Variants in SAMD12 observed in about 807,000 individuals in gnomAD.
SAMD12 encodes the protein sterile alpha motif domain-containing protein 12.
In SAMD12, 9 loss-of-function variants were observed where a neutral mutation model predicts 15.0. That is an observed-to-expected ratio of 0.60 (90% CI 0.36 to 1.05). The LOEUF (loss-of-function observed/expected upper bound fraction) is 1.05, where lower values mean the gene tolerates loss of function less well. Ranked by LOEUF, SAMD12 falls within the 50% of genes least tolerant of loss-of-function variation. The pLI is 0.01. For synonymous variants in SAMD12, 86 were observed against 90.1 expected, an observed-to-expected ratio of 0.96 and a Z score of 0.25; for missense variants, 230 against 234.2, an observed-to-expected ratio of 0.98 and a Z score of 0.12.
intron 2 of SAMD12, among the ~76,000 whole-genome samples, chr8:118,553,096 G>T (rs1028550608): frequency 2.6e-5 from 4 of 151,594 alleles, no homozygotes; most frequent in African/African-American, 4.8e-5. Flanking sequence ...CGTGAAAATG[G>T]CCATACTGCC....
At chr8:118,209,599 C>T (rs776148504) in intron 4 of SAMD12, among the ~76,000 whole-genome samples, 26 of 152,316 alleles carry the variant, frequency 1.7e-4, no homozygotes, top group Non-Finnish European at 3.8e-4. Flanking sequence ...ATTGCTTGAA[C>T]TGGCTGGTGG....
intron 2 of SAMD12, among the ~76,000 whole-genome samples, chr8:118,485,356 A>C (rs1485594727): frequency 2.0e-5 from 3 of 152,220 alleles, no homozygotes; most frequent in African/African-American, 7.2e-5. Flanking sequence ...CAAAGGTGGA[A>C]GAGATGGGGG....
intron 4 of SAMD12, among the ~76,000 whole-genome samples, chr8:118,314,651 C>T (rs543203049): frequency 6.6e-6 from 1 of 152,244 alleles, no homozygotes; most frequent in Admixed American, 6.5e-5. Flanking sequence ...AGTATATAAC[C>T]TTTTGAAATT....
At chr8:118,545,261 A>G (rs1385568799) in intron 2 of SAMD12, among the ~76,000 whole-genome samples, 2 of 152,230 alleles carry the variant, frequency 1.3e-5, no homozygotes, top group Non-Finnish European at 2.9e-5. Context: ...GAGGTCAGAA[A>G]GTGGAGACCA....
At chr8:118,151,461 A>G in the SAMD12 span, among the ~76,000 whole-genome samples, 1 of 152,218 alleles carries the variant, frequency 6.6e-6, no homozygotes, top group Non-Finnish European at 1.5e-5. Context: ...TTAAATAAGA[A>G]GAAATTTTAA....
At chr8:118,394,226 G>A (rs1030813584) in intron 3 of SAMD12, among the ~76,000 whole-genome samples, 1 of 152,160 alleles carries the variant, frequency 6.6e-6, no homozygotes, top group African/African-American at 2.4e-5. Flanking sequence ...AATGAGATAA[G>A]GAACATGAAC....
At chr8:118,185,950 A>G (rs1819236215), downstream of SAMD12, among the ~76,000 whole-genome samples, 1 of 152,192 alleles carries the variant, frequency 6.6e-6, no homozygotes, top group African/African-American at 2.4e-5. Context: ...CCTGCTTGAA[A>G]GAACATTGCC....
At chr8:118,416,302 A>T (rs780026832) in intron 3 of SAMD12, among the ~76,000 whole-genome samples, 42 of 152,228 alleles carry the variant, frequency 2.8e-4, no homozygotes, top group Admixed American at 6.5e-4. Context: ...ATTATTAACT[A>T]TTACTACAAT....
At chr8:118,441,314 A>C (rs1374827437) in intron 2 of SAMD12, among the ~76,000 whole-genome samples, 1 of 152,174 alleles carries the variant, frequency 6.6e-6, no homozygotes, top group Non-Finnish European at 1.5e-5. Context: ...AACAAATTTG[A>C]GTTTAAAGAC....
chr8:118,179,214 G>C, the SAMD12 span, among the ~76,000 whole-genome samples: 1 of 152,096 alleles, frequency 6.6e-6, no homozygotes, highest in Non-Finnish European at 1.5e-5. Flanking sequence ...GAGGCAGGCG[G>C]ATCACCTGAG....
At chr8:118,527,655 G>GTT (rs1340863127) in intron 2 of SAMD12, among the ~76,000 whole-genome samples, 1 of 152,108 alleles carries the variant, frequency 6.6e-6, no homozygotes, top group Non-Finnish European at 1.5e-5. Flanking sequence ...TGATCTGAGA[G>GTT]TTTTGCCACT....
At position 118,293,186 on chromosome 8, in the gene SAMD12, A is replaced by G. The variant is rs77949098; in HGVS notation, c.433+86374T>C. Among the ~76,000 whole-genome samples, 1,347 of 152,326 alleles carry G rather than the reference A, an allele frequency of 8.8e-3. 28 individuals are homozygous for G. Among genetic ancestry groups the G allele is most frequent in the South Asian group, 0.052 (250 of 4,834 alleles). On this transcript the variant is annotated intron_variant, in intron 4 of 4. Coordinates refer to the SAMD12 transcript ENST00000409003. ...GACCACATAAGTGCTAATGGCAGAA[A>G]CCAGCTGAATGTTTTCCAGATACAT...
Position 118,226,617 on chromosome 8 carries a change from G to T in SAMD12, c.434-28885C>A, listed in dbSNP as rs552507910. On this transcript the variant is annotated intron_variant, in intron 4 of 4. Coordinates refer to the SAMD12 transcript ENST00000409003. ...GGATTCCCTATATGCTGTGCACTTT[G>T]TAAGAAGCTGGTAATACAAAGATAA... Among the ~76,000 whole-genome samples the T allele has an allele frequency of 3.4e-3, 525 of 152,328 alleles. 2 individuals are homozygous for T. The highest frequency in any genetic ancestry group is 3.8e-3 in the Non-Finnish European group (258 of 68,038).
intron 1 of SAMD12, among the ~76,000 whole-genome samples, chr8:118,601,725 G>C (rs1827870850): frequency 6.6e-6 from 1 of 152,182 alleles, no homozygotes; most frequent in Non-Finnish European, 1.5e-5. Flanking sequence ...AGCTGAGCCT[G>C]TTTAGTTTGG....
chr8:118,507,260 A>G (rs1824946217), intron 2 of SAMD12, among the ~76,000 whole-genome samples: 1 of 152,054 alleles, frequency 6.6e-6, no homozygotes, highest in South Asian at 2.1e-4. Context: ...TTCAAAGCTC[A>G]GGTGAAATGA....
downstream of SAMD12, among the ~76,000 whole-genome samples, chr8:118,373,526 G>A (rs1397429962): frequency 2.0e-5 from 3 of 152,090 alleles, no homozygotes; most frequent in African/African-American, 7.2e-5. Context: ...AATTTTTGTT[G>A]TTCCAAAAGA....
chr8:118,425,758 TAGG>T (rs940296009), intron 3 of SAMD12, among the ~76,000 whole-genome samples: 16 of 152,320 alleles, frequency 1.1e-4, no homozygotes, highest in African/African-American at 3.8e-4. Flanking sequence ...GGTGAGGCAG[TAGG>T]AGATCAAGTC....
At chr8:118,176,261 A>G in the SAMD12 span, among the ~76,000 whole-genome samples, 1 of 152,196 alleles carries the variant, frequency 6.6e-6, no homozygotes, top group East Asian at 1.9e-4. Flanking sequence ...AGATCGTGCC[A>G]CTGCATTCCA....
At chr8:118,220,850 A>G (rs1456695718) in intron 4 of SAMD12, among the ~76,000 whole-genome samples, 1 of 152,218 alleles carries the variant, frequency 6.6e-6, no homozygotes, top group South Asian at 2.1e-4. Context: ...TCACTTTGTA[A>G]TCATTGAACC....
Sources: allele counts gnomAD v4.1 joint callset (sites outside exome capture counted in the v4.1 genomes callset), GRCh38; gene constraint gnomAD v4.1.1; transcripts MANE v1.5; gene names NCBI Gene and HGNC (gene_info 2026-07-23, HGNC 2026-07-21).